The following CYRIB variants were observed in gnomAD, a reference collection of about 807,000 sequenced individuals.
The protein encoded by CYRIB is CYFIP-related Rac1 interactor B.
CYRIB carries 8 observed loss-of-function variants against 44.2 expected under a neutral mutation model. The observed-to-expected ratio is 0.18, with a 90% CI of 0.11 to 0.33. The LOEUF is 0.33. CYRIB is among the 10% of genes least tolerant of loss of function. The probability of loss-of-function intolerance (pLI) is 1.00; values close to 1 mark genes in which losing one functional copy is unlikely to be tolerated. For missense variants in CYRIB, 185 were observed against 382.8 expected, an observed-to-expected ratio of 0.48 and a Z score of 4.31; for synonymous variants, 131 against 127.2, an observed-to-expected ratio of 1.03 and a Z score of -0.20.
At chr8:129,936,614 C>T (rs1016000767) in intron 1 of CYRIB, among the ~76,000 whole-genome samples, 4 of 152,056 alleles carry the variant, frequency 2.6e-5, no homozygotes, top group Admixed American at 1.3e-4. Context: ...CAAACAAATC[C>T]ATTCTATGAA....
intron 1 of CYRIB, among the ~76,000 whole-genome samples, chr8:129,998,119 CAAAAAAA>C (rs34658935): frequency 1.1e-5 from 1 of 93,198 alleles, no homozygotes; most frequent in African/African-American, 3.9e-5. Flanking sequence ...GACTCTGTCT[CAAAAAAA>C]AAAAAAAAAA....
chr8:129,889,060 C>T (rs1440974941), intron 2 of CYRIB, among the ~76,000 whole-genome samples: 6 of 152,004 alleles, frequency 3.9e-5, no homozygotes, highest in African/African-American at 1.4e-4. Context: ...CCACTGCACT[C>T]CATGGGCAAC....
intron 1 of CYRIB, among the ~76,000 whole-genome samples, chr8:129,925,734 G>A (rs2087270526): frequency 6.6e-6 from 1 of 152,166 alleles, no homozygotes; most frequent in Non-Finnish European, 1.5e-5. Flanking sequence ...AAATTTCCAG[G>A]TATGAGTTAG....
chr8:130,001,456 A>G (rs140625094), intron 1 of CYRIB, among the ~76,000 whole-genome samples: 4 of 152,104 alleles, frequency 2.6e-5, no homozygotes, highest in African/African-American at 9.6e-5. Flanking sequence ...TGAAGCCCCC[A>G]AACAGAAAAC....
rs1161957971 is a variant in CYRIB, at chr8:129,855,744, G to T, written c.305C>A (p.Ala102Glu). The change falls in exon 6 of 12, where the codon GCA becomes GAA. Residue 102 changes from alanine to glutamate, a missense_variant. Coordinates refer to ENST00000519824, the Ensembl canonical transcript of CYRIB. ...GGCTCCCAGAAGACCTCTTAATGCTGCTTCTAAAGAAAAAAATTGAAAAAA... is the reference window on the plus strand; with the variant it reads ...GGCTCCCAGAAGACCTCTTAATGCTTCTTCTAAAGAAAAAAATTGAAAAAA... 7 of 1,593,620 alleles carry T rather than the reference G, an allele frequency of 4.4e-6. No homozygotes were observed. The African/African-American group carries it at 5.4e-5, about 12-fold the overall frequency.
intron 1 of CYRIB, among the ~76,000 whole-genome samples, chr8:129,977,942 T>C (rs929019932): frequency 3.3e-5 from 5 of 152,212 alleles, no homozygotes; most frequent in African/African-American, 1.2e-4. Flanking sequence ...AGAATCTTGC[T>C]CTGTCACCTA....
chr8:129,927,567 T>A (rs990427182), intron 1 of CYRIB, among the ~76,000 whole-genome samples: 1 of 152,216 alleles, frequency 6.6e-6, no homozygotes, highest in Non-Finnish European at 1.5e-5. Flanking sequence ...TCTCTATGAA[T>A]AAATGTGGAG....
At chr8:129,916,123 T>C (rs2080638422) in intron 1 of CYRIB, among the ~76,000 whole-genome samples, 1 of 152,196 alleles carries the variant, frequency 6.6e-6, no homozygotes, top group Non-Finnish European at 1.5e-5. Context: ...AGTAATAAAA[T>C]GCAAATCTTC....
At chr8:130,010,757 T>C (rs1402850711) in intron 1 of CYRIB, among the ~76,000 whole-genome samples, 2 of 152,154 alleles carry the variant, frequency 1.3e-5, no homozygotes, top group Non-Finnish European at 2.9e-5. Context: ...CAGGGTCATG[T>C]AGAGATTTGC....
chr8:129,859,401 CAGG>C (rs2048037244), intron 5 of CYRIB, among the ~76,000 whole-genome samples: 1 of 152,058 alleles, frequency 6.6e-6, no homozygotes, highest in Non-Finnish European at 1.5e-5. Flanking sequence ...CGGATAACTG[CAGG>C]TGGGCCTGAC....
chr8:129,851,113 G>A (rs931184833), intron 8 of CYRIB, 199 bp from the exon 11 acceptor site: 2 of 542,974 alleles, frequency 3.7e-6, no homozygotes, highest in Non-Finnish European at 6.5e-6. Context: ...AGCGAAGGCA[G>A]GACTCTTCTG....
At chr8:130,015,841 A>G (rs879690943) in intron 1 of CYRIB, among the ~76,000 whole-genome samples, 2 of 152,236 alleles carry the variant, frequency 1.3e-5, no homozygotes, top group Non-Finnish European at 2.9e-5. Flanking sequence ...TGGCTACCCC[A>G]GGAGGAAGTC....
At chr8:129,848,274 G>A (rs1297728002) in intron 10 of CYRIB, among the ~76,000 whole-genome samples, 1 of 152,170 alleles carries the variant, frequency 6.6e-6, no homozygotes, top group Non-Finnish European at 1.5e-5. Flanking sequence ...CATATGACAG[G>A]TGTACATGAA....
At chr8:129,883,984 G>A (rs190460856) in intron 2 of CYRIB, among the ~76,000 whole-genome samples, 23 of 152,276 alleles carry the variant, frequency 1.5e-4, no homozygotes, top group African/African-American at 4.1e-4. Context: ...AGGCGTGGGC[G>A]GATGTGGCAG....
chr8:129,879,372 T>A lies in CYRIB; in HGVS notation c.73+17A>T. ...TACTGCAGGCAAAGAGAAATAGATA[T>A]AAAATCATCTTCTCACTTTCAAAAT... On this transcript the variant is annotated intron_variant, in intron 3 of 11. Coordinates refer to ENST00000519824, the Ensembl canonical transcript of CYRIB. The A allele has an allele frequency of 6.4e-7, 1 of 1,569,620 alleles. No homozygotes were observed. The highest frequency in any genetic ancestry group is 1.1e-5 in the South Asian group (1 of 89,226).
intron 1 of CYRIB, among the ~76,000 whole-genome samples, chr8:129,931,023 T>C (rs2091086107): frequency 6.6e-6 from 1 of 152,010 alleles, no homozygotes; most frequent in Non-Finnish European, 1.5e-5. Flanking sequence ...TAAATTCAAA[T>C]ATAACAAATA....
chr8:130,006,652 A>ATATATATATGTATATATATACG (rs2097103674), intron 1 of CYRIB, among the ~76,000 whole-genome samples: 1 of 109,994 alleles, frequency 9.1e-6, no homozygotes, highest in African/African-American at 3.3e-5. Flanking sequence ...ATATATATAC[A>ATATATATATGTATATATATACG]TATATATATG....
intron 1 of CYRIB, among the ~76,000 whole-genome samples, 175 bp downstream of exon 3, chr8:129,904,324 C>T (rs1184250108): frequency 1.3e-5 from 2 of 152,060 alleles, no homozygotes; most frequent in Non-Finnish European, 1.5e-5. Context: ...TATAAACAAA[C>T]CTGAAAATTT....
intron 1 of CYRIB, among the ~76,000 whole-genome samples, chr8:129,974,867 C>T (rs1017945028): frequency 4.6e-5 from 7 of 151,156 alleles, no homozygotes; most frequent in Admixed American, 4.0e-4. Context: ...ACCACAGGCA[C>T]GTGCCACCAC....
Sources: allele counts gnomAD v4.1 joint callset (sites outside exome capture counted in the v4.1 genomes callset), GRCh38; gene constraint gnomAD v4.1.1; transcripts MANE v1.5; gene names NCBI Gene and HGNC (gene_info 2026-07-23, HGNC 2026-07-21).